Variants in GPC5 observed in about 807,000 individuals in gnomAD.
The protein encoded by GPC5 is glypican 5, also known as glypican-5.
GPC5 carries 47 observed loss-of-function variants against 53.9 expected under a neutral mutation model. That is an observed-to-expected ratio of 0.87 (90% CI 0.69 to 1.11). GPC5 has a LOEUF of 1.11. Among genes scored for constraint, GPC5 ranks in the 50% most tolerant of loss-of-function variants. The pLI is 0.00. For missense variants in GPC5, 748 were observed against 713.1 expected, an observed-to-expected ratio of 1.05 and a Z score of -0.56; for synonymous variants, 286 against 263.3, an observed-to-expected ratio of 1.09 and a Z score of -0.84.
At chr13:91,715,853 AGTT>A (rs1488810006) in intron 3 of GPC5, among the ~76,000 whole-genome samples, 1 of 148,796 alleles carries the variant, frequency 6.7e-6, no homozygotes, top group Non-Finnish European at 1.5e-5. Context: ...GGCTCACTGT[AGTT>A]TCTAACTTCT....
intron 5 of GPC5, among the ~76,000 whole-genome samples, chr13:91,859,619 T>C (rs902926977): frequency 6.6e-6 from 1 of 151,962 alleles, no homozygotes; most frequent in Non-Finnish European, 1.5e-5. Flanking sequence ...GGTTCTGTAA[T>C]GATATTTCTT....
chr13:91,859,190 T>A (rs1352198654), intron 5 of GPC5, among the ~76,000 whole-genome samples: 3 of 151,942 alleles, frequency 2.0e-5, no homozygotes, highest in Non-Finnish European at 4.4e-5. Flanking sequence ...ATACTTATTT[T>A]GCATCTGGTT....
intron 7 of GPC5, among the ~76,000 whole-genome samples, chr13:92,338,956 T>C (rs2043344640): frequency 6.6e-6 from 1 of 152,010 alleles, no homozygotes; most frequent in Non-Finnish European, 1.5e-5. Context: ...GTGATGTTGA[T>C]AATGGGGGAG....
chr13:92,058,921 C>G lies in GPC5; in HGVS notation c.1402-85909C>G, dbSNP rs114637476. On this transcript the variant is annotated intron_variant, in intron 6 of 7. Coordinates refer to ENST00000377067, the MANE Select transcript of GPC5 (RefSeq NM_004466.6). The stretch of plus-strand genomic sequence containing the variant: ...AGGTCTTTCATCCCAATTAGACAAC[C>G]ATTGACTCTGAGCCTTTGCAATTGT... 6.4e-3 allele frequency among the ~76,000 whole-genome samples: 975 copies of G among 152,286 alleles called. 18 individuals carry two copies. Among genetic ancestry groups the G allele is most frequent in the African/African-American group, 0.022 (934 of 41,558 alleles).
chr13:91,874,986 A>G (rs1030906300), intron 5 of GPC5, among the ~76,000 whole-genome samples: 6 of 152,176 alleles, frequency 3.9e-5, no homozygotes, highest in Non-Finnish European at 8.8e-5. Context: ...TCCTGTGACT[A>G]AAGGAAAATA....
intron 7 of GPC5, among the ~76,000 whole-genome samples, chr13:92,174,807 G>C (rs575687339): frequency 6.6e-6 from 1 of 152,180 alleles, no homozygotes; most frequent in Non-Finnish European, 1.5e-5. Context: ...AAAGTGCAGA[G>C]TACCATTAAA....
chr13:91,768,541 T>G (rs756767999), intron 5 of GPC5, among the ~76,000 whole-genome samples: 1 of 152,132 alleles, frequency 6.6e-6, no homozygotes. Context: ...GAAATAAAAA[T>G]ATTTTCTTAT....
chr13:92,512,339 C>T (rs554261364), intron 7 of GPC5, among the ~76,000 whole-genome samples: 1 of 151,972 alleles, frequency 6.6e-6, no homozygotes, highest in Non-Finnish European at 1.5e-5. Context: ...ACTTTAGTGA[C>T]AAGTGGGGAG....
intron 5 of GPC5, among the ~76,000 whole-genome samples, chr13:91,856,502 A>G (rs2038968317): frequency 6.6e-6 from 1 of 151,508 alleles, no homozygotes; most frequent in Non-Finnish European, 1.5e-5. Flanking sequence ...CATTTTTTCA[A>G]TTCTGCAAGT....
At chr13:92,010,316 C>T (rs2040649328) in intron 6 of GPC5, among the ~76,000 whole-genome samples, 2 of 152,096 alleles carry the variant, frequency 1.3e-5, no homozygotes. Context: ...GGTTTTTGCT[C>T]GTTTTATTTA....
At chr13:91,550,633 T>C (rs1450160635) in intron 2 of GPC5, among the ~76,000 whole-genome samples, 2 of 152,088 alleles carry the variant, frequency 1.3e-5, no homozygotes, top group Non-Finnish European at 2.9e-5. Context: ...ATCAGAATTG[T>C]AGTTCATTAA....
At chr13:92,767,182 A>G (rs542208919) in intron 7 of GPC5, among the ~76,000 whole-genome samples, 1 of 152,230 alleles carries the variant, frequency 6.6e-6, no homozygotes, top group Non-Finnish European at 1.5e-5. Context: ...ATTCAGAAAA[A>G]TCTTCCAGGA....
At chr13:92,439,012 A>T (rs916681145) in intron 7 of GPC5, among the ~76,000 whole-genome samples, 1 of 152,158 alleles carries the variant, frequency 6.6e-6, no homozygotes, top group Admixed American at 6.5e-5. Context: ...GAGCTCAGAT[A>T]AAAGACCAGG....
chr13:91,907,752 A>C (rs1305126961), intron 5 of GPC5, among the ~76,000 whole-genome samples, 185 bp from the exon 6 acceptor site: 1 of 151,910 alleles, frequency 6.6e-6, no homozygotes, highest in African/African-American at 2.4e-5. Context: ...ATCTAATGGC[A>C]CGATAAGCAT....
intron 7 of GPC5, among the ~76,000 whole-genome samples, chr13:92,149,614 C>A (rs1367161720): frequency 5.3e-5 from 8 of 151,942 alleles, no homozygotes; most frequent in Admixed American, 5.2e-4. Flanking sequence ...GTGCACAGAG[C>A]AAAATGAAAA....
At chr13:91,802,550 C>T (rs1316433607) in intron 5 of GPC5, among the ~76,000 whole-genome samples, 1 of 152,076 alleles carries the variant, frequency 6.6e-6, no homozygotes, top group African/African-American at 2.4e-5. Flanking sequence ...GCTTTTATTC[C>T]CTTATTTGGC....
At chr13:92,724,500 G>T (rs546064762) in intron 7 of GPC5, among the ~76,000 whole-genome samples, 2 of 151,536 alleles carry the variant, frequency 1.3e-5, no homozygotes, top group Non-Finnish European at 3.0e-5. Context: ...AGAAAATGTG[G>T]TATATGTAGA....
At chr13:91,998,811 T>G (rs1215647627) in intron 6 of GPC5, among the ~76,000 whole-genome samples, 1 of 152,282 alleles carries the variant, frequency 6.6e-6, no homozygotes, top group African/African-American at 2.4e-5. Flanking sequence ...AATGAGGGCT[T>G]ATTATTTTTT....
chr13:92,424,908 T>C (rs1309571986), intron 7 of GPC5, among the ~76,000 whole-genome samples: 1 of 152,046 alleles, frequency 6.6e-6, no homozygotes, highest in African/African-American at 2.4e-5. Flanking sequence ...GATTCAAAGA[T>C]GAATAAGATA....
Sources: gnomAD v4.1 joint callset for allele counts (sites outside exome capture counted in the v4.1 genomes callset) on GRCh38, gnomAD v4.1.1 for gene constraint, MANE v1.5 for transcripts, NCBI Gene and HGNC (gene_info 2026-07-23, HGNC 2026-07-21) for gene names.